The following DMD variants were observed in gnomAD, a reference collection of about 807,000 sequenced individuals.
DMD encodes the protein dystrophin.
Under a neutral mutation model 330.1 loss-of-function variants are expected in DMD, and 63 were observed. That is an observed-to-expected ratio of 0.19 (90% confidence interval 0.16 to 0.24). The LOEUF is 0.24. Among genes scored for constraint, DMD ranks in the 10% least tolerant of loss-of-function variants. The probability of loss-of-function intolerance (pLI) is 1.00; values close to 1 mark genes in which losing one functional copy is unlikely to be tolerated. For synonymous variants in DMD, 1,223 were observed against 959.8 expected (o/e 1.27, Z -5.07); for missense variants, 3,344 against 2,684.1 (o/e 1.25, Z -5.43).
chrX:31,795,192 G>T (rs1405990486), intron 50 of DMD, among the ~76,000 whole-genome samples: 3 of 111,666 alleles, frequency 2.7e-5, no homozygotes, highest in African/African-American at 9.8e-5. Flanking sequence ...CTAAATCTTC[G>T]ATTCTAAGCC....
chrX:31,749,189 A>G (rs187626246), intron 51 of DMD, among the ~76,000 whole-genome samples: 1 of 108,506 alleles, frequency 9.2e-6, no homozygotes, highest in African/African-American at 3.4e-5. Flanking sequence ...CATGTGCACA[A>G]TGTGCAGGTT....
intron 17 of DMD, among the ~76,000 whole-genome samples, chrX:32,541,849 T>A (rs909305681): frequency 1.5e-4 from 17 of 111,373 alleles, no homozygotes; most frequent in Non-Finnish European, 3.2e-4. Context: ...CCTCAGTAAT[T>A]CTGATTCCAA....
rs939122538 is a variant in DMD, at chrX:33,240,244, T to C, written c.7+99015A>G. Among the ~76,000 whole-genome samples the C allele has an allele frequency of 2.7e-5, 3 of 111,781 alleles. No homozygotes were observed. The East Asian group carries it at 8.4e-4, about 31-fold the overall frequency. On this transcript the variant is annotated intron_variant, in intron 1 of 17. Transcript: ENST00000288447. ...TCCCTCTCTCTTAACTACCTCACCT[T>C]CTGGTAACCAACATTTTATTCTCTA...
chrX:32,710,988 C>T (rs1001447549), intron 7 of DMD, among the ~76,000 whole-genome samples: 7 of 111,436 alleles, frequency 6.3e-5, no homozygotes, highest in African/African-American at 2.3e-4. Context: ...TAATATATAA[C>T]TATAATATGC....
At chrX:33,198,265 T>C (rs752118954) in intron 1 of DMD, among the ~76,000 whole-genome samples, 1 of 111,434 alleles carries the variant, frequency 9.0e-6, no homozygotes, top group Admixed American at 9.6e-5. Flanking sequence ...CACATTTTTT[T>C]CCACTAGATT....
intron 57 of DMD, among the ~76,000 whole-genome samples, chrX:31,485,973 A>G (rs776811943): frequency 8.9e-6 from 1 of 112,436 alleles, no homozygotes; most frequent in East Asian, 2.8e-4. Flanking sequence ...CTTGGGCTTC[A>G]AGCCTGGGCT....
chrX:32,575,532 C>A (rs2052941271), intron 13 of DMD, among the ~76,000 whole-genome samples: 1 of 112,320 alleles, frequency 8.9e-6, no homozygotes. Context: ...GAGCTTAAAT[C>A]AATGAATTTA....
At chrX:32,561,606 C>A (rs185626146) in intron 16 of DMD, among the ~76,000 whole-genome samples, 179 of 111,454 alleles carry the variant, frequency 1.6e-3, no homozygotes, top group African/African-American at 5.6e-3. Flanking sequence ...TCCAGGAGAA[C>A]TTCTCCAATC....
chrX:32,737,596 A>C (rs1204412395), intron 7 of DMD, among the ~76,000 whole-genome samples: 1 of 111,763 alleles, frequency 8.9e-6, no homozygotes, highest in African/African-American at 3.3e-5. Context: ...GATGCATTGG[A>C]AACTTGGAAA....
In DMD at chrX:31,508,147, G is replaced by A. The variant is rs181689034; in HGVS notation, c.8218-694C>T. On this transcript the variant is annotated intron_variant, in intron 55 of 78. Transcript: ENST00000357033. ...GGTAAGAGTTATGATAAGAGGTTATGCATTCAACTTCACTTGTATACACAC... is the reference window on the plus strand; with the variant it reads ...GGTAAGAGTTATGATAAGAGGTTATACATTCAACTTCACTTGTATACACAC... The A allele has an allele frequency of 2.3e-3, 2,105 of 909,649 alleles. 11 individuals are homozygous for A. The highest frequency in any genetic ancestry group is 0.016 in the African/African-American group (798 of 51,265). 75.0% of individuals were successfully genotyped at this position (909,649 alleles called of 1,213,427 possible).
chrX:32,140,879 T>A (rs960913873), intron 44 of DMD, among the ~76,000 whole-genome samples: 3 of 111,135 alleles, frequency 2.7e-5, no homozygotes, highest in Non-Finnish European at 5.7e-5. Flanking sequence ...GAATTCAAGA[T>A]GAGATTTGGG....
chrX:32,972,554 A>C (rs2092420015), intron 2 of DMD, among the ~76,000 whole-genome samples: 1 of 111,967 alleles, frequency 8.9e-6, no homozygotes. Flanking sequence ...ATGAAACAAT[A>C]TTTTATTGAA....
intron 37 of DMD, among the ~76,000 whole-genome samples, chrX:32,362,234 T>G (rs1457158257): frequency 9.0e-6 from 1 of 110,732 alleles, no homozygotes; most frequent in Non-Finnish European, 1.9e-5. Flanking sequence ...TGTCACAGTG[T>G]CTACAACTAG....
intron 1 of DMD, among the ~76,000 whole-genome samples, chrX:33,051,129 T>G (rs1049185456): frequency 8.0e-5 from 9 of 111,904 alleles, no homozygotes; most frequent in African/African-American, 2.9e-4. Flanking sequence ...TGTTTTTATT[T>G]GCATATCATT....
chrX:33,038,702 T>C (rs1220170278), intron 1 of DMD, among the ~76,000 whole-genome samples: 1 of 112,196 alleles, frequency 8.9e-6, no homozygotes, highest in African/African-American at 3.2e-5. Context: ...ACTTGAGAAA[T>C]GAACCTTTTG....
At chrX:33,137,652 G>A (rs972020648) in intron 1 of DMD, among the ~76,000 whole-genome samples, 1 of 111,588 alleles carries the variant, frequency 9.0e-6, no homozygotes, top group Non-Finnish European at 1.9e-5. Context: ...TGCCTTAGAT[G>A]TCTTTCTAAC....
chrX:33,011,022 G>T (rs902632181), intron 2 of DMD, among the ~76,000 whole-genome samples: 7 of 111,276 alleles, frequency 6.3e-5, no homozygotes, highest in Non-Finnish European at 9.4e-5. Flanking sequence ...GCATCGTTTT[G>T]GAGTGTGCAT....
intron 9 of DMD, among the ~76,000 whole-genome samples, chrX:32,696,767 G>T (rs1461476018): frequency 1.8e-5 from 2 of 111,156 alleles, no homozygotes; most frequent in Non-Finnish European, 3.8e-5. Flanking sequence ...AAGTCTTGGT[G>T]ATTTCAACGG....
intron 20 of DMD, among the ~76,000 whole-genome samples, chrX:32,490,012 G>C (rs930727271): frequency 8.9e-6 from 1 of 111,917 alleles, no homozygotes; most frequent in Non-Finnish European, 1.9e-5. Flanking sequence ...ACCTAATAAT[G>C]CTACAGGTCC....
Sources: gnomAD v4.1 joint callset for allele counts (sites outside exome capture counted in the v4.1 genomes callset) on GRCh38, gnomAD v4.1.1 for gene constraint, MANE v1.5 for transcripts, NCBI Gene and HGNC (gene_info 2026-07-23, HGNC 2026-07-21) for gene names.